WIPF3: variants seen among roughly 807,000 people sequenced by gnomAD.
The protein encoded by WIPF3 is WAS/WASL-interacting protein family member 3.
Under a neutral mutation model 38.9 loss-of-function variants are expected in WIPF3, and 33 were observed. The observed-to-expected ratio is 0.85, with a 90% CI of 0.64 to 1.14. The LOEUF is 1.14. Among genes scored for constraint, WIPF3 ranks in the 50% most tolerant of loss-of-function variants. The pLI is 0.00. For synonymous variants in WIPF3, 324 were observed against 269.3 expected, an observed-to-expected ratio of 1.20 and a Z score of -1.99; for missense variants, 711 against 652.5, an observed-to-expected ratio of 1.09 and a Z score of -0.98.
At position 29,878,180 on chromosome 7, in the gene WIPF3, T is replaced by A. The variant is rs560079569; in HGVS notation, c.224-829T>A. ...TAATTAACAGGTAAATCAATTTCAT[T>A]GAAACACTCACTTCCTAATCATTCT... is the stretch of plus-strand genomic sequence containing the variant. On this transcript the variant is annotated intron_variant, in intron 3 of 8. Transcript: ENST00000242140. This position sits in a 1 kb window ranked among gnomAD's most constrained non-coding sequence, Gnocchi z 4.0. Among the ~76,000 whole-genome samples the A allele has an allele frequency of 6.6e-6, 1 of 152,352 alleles. No homozygotes were observed. Among genetic ancestry groups the A allele is most frequent in the African/African-American group, 2.4e-5 (1 of 41,590 alleles).
intron 7 of WIPF3, among the ~76,000 whole-genome samples, chr7:29,892,344 C>T (rs1038703244): frequency 6.6e-6 from 1 of 152,192 alleles, no homozygotes; most frequent in Non-Finnish European, 1.5e-5. Flanking sequence ...AGGAGCCAGG[C>T]TGCACGGGGC....
Position 29,883,920 on chromosome 7 carries a change from C to T in WIPF3, c.426C>T (p.Gly142=), listed in dbSNP as rs746431784. ...GGCTTCCCAACAAAACCATCAGCGG[C>T]CCGCTTATCCCGCCTGCCTCTCCCA... The part of the protein sequence containing the change: ...SPRLPNKTIS[G]PLIPPASPRL... Residue 142 remains glycine (G), a synonymous_variant, in exon 5 of 9, where the codon GGC becomes GGT. Coordinates refer to ENST00000242140, the MANE Select transcript of WIPF3 (RefSeq NM_001080529.3). 2 of 1,568,250 alleles carry T rather than the reference C, an allele frequency of 1.3e-6. No individual in the cohort carries two copies. Among genetic ancestry groups the T allele is most frequent in the Non-Finnish European group, 8.6e-7 (1 of 1,157,114 alleles).
At chr7:29,816,304 A>G (rs574357779) in intron 1 of WIPF3, among the ~76,000 whole-genome samples, 105 of 151,796 alleles carry the variant, frequency 6.9e-4, no homozygotes, top group Admixed American at 6.4e-3. Context: ...TTCTTTTATT[A>G]TTATTATTAT....
intron 7 of WIPF3, among the ~76,000 whole-genome samples, chr7:29,903,545 T>C (rs1288163986): frequency 6.6e-6 from 1 of 152,140 alleles, no homozygotes; most frequent in Non-Finnish European, 1.5e-5. Flanking sequence ...ACAGAATAGA[T>C]AGGTGTCCTA....
intron 1 of WIPF3, among the ~76,000 whole-genome samples, chr7:29,809,954 A>T (rs174916): frequency 2.0e-5 from 3 of 152,070 alleles, no homozygotes; most frequent in African/African-American, 7.2e-5. Flanking sequence ...CCAGGCCTGC[A>T]CATGGACTGT....
At chr7:29,887,829 G>A (rs1583620754) in intron 5 of WIPF3, among the ~76,000 whole-genome samples, 1 of 152,250 alleles carries the variant, frequency 6.6e-6, no homozygotes, top group African/African-American at 2.4e-5. Flanking sequence ...CCTGGGAAGT[G>A]GGTGTACTAT....
chr7:29,903,603 A>G (rs949360400), intron 7 of WIPF3, among the ~76,000 whole-genome samples: 1 of 152,150 alleles, frequency 6.6e-6, no homozygotes, highest in Admixed American at 6.5e-5. Flanking sequence ...TTGAAGGGAG[A>G]GTTCTGGAAC....
chr7:29,872,359 T>G (rs1419464096), intron 2 of WIPF3, among the ~76,000 whole-genome samples: 1 of 152,220 alleles, frequency 6.6e-6, no homozygotes, highest in African/African-American at 2.4e-5. Flanking sequence ...TTGTGTAAAG[T>G]GGCCTTCAGT....
intron 1 of WIPF3, among the ~76,000 whole-genome samples, chr7:29,817,520 C>CAATTTAATGTAATTTA (rs1562769380): frequency 6.6e-6 from 1 of 152,084 alleles, no homozygotes; most frequent in Non-Finnish European, 1.5e-5. Flanking sequence ...TAATGTAAGG[C>CAATTTAATGTAATTTA]ATGAGATCCT....
At chr7:29,861,810 A>G (rs78953790) in intron 2 of WIPF3, among the ~76,000 whole-genome samples, 4,788 of 152,334 alleles carry the variant, frequency 0.031, 101 homozygotes, top group Middle Eastern at 0.061. Context: ...CATCATATCT[A>G]GGGACAGACT....
chr7:29,826,651 CT>C (rs1784620648), intron 1 of WIPF3, among the ~76,000 whole-genome samples: 1 of 152,124 alleles, frequency 6.6e-6, no homozygotes, highest in African/African-American at 2.4e-5. Context: ...CTTAGTATTA[CT>C]TTCCATTATT....
At chr7:29,811,173 G>A (rs10236126) in intron 1 of WIPF3, among the ~76,000 whole-genome samples, 17,427 of 151,940 alleles carry the variant, frequency 0.11, 1,105 homozygotes, top group African/African-American at 0.16. Flanking sequence ...TTACAGACAT[G>A]ATCTGCCTTG....
chr7:29,831,756 A>T (rs543586075), intron 1 of WIPF3, among the ~76,000 whole-genome samples: 2 of 152,224 alleles, frequency 1.3e-5, no homozygotes, highest in East Asian at 3.9e-4. Context: ...AACACATAGG[A>T]CCTTTGCTAC....
At chr7:29,912,190 AATC>A in intron 8 of WIPF3, among the ~76,000 whole-genome samples, 1 of 152,228 alleles carries the variant, frequency 6.6e-6, no homozygotes, top group East Asian at 1.9e-4. Context: ...CAGCATCACT[AATC>A]ATTAGAGAAA....
chr7:29,815,970 G>A (rs890478204), intron 1 of WIPF3, among the ~76,000 whole-genome samples: 1 of 152,140 alleles, frequency 6.6e-6, no homozygotes, highest in African/African-American at 2.4e-5. Flanking sequence ...TCCTACTCTC[G>A]ATGGCTCCAG....
chr7:29,904,452 C>A, intron 8 of WIPF3, 90 bp downstream of exon 8: 1 of 1,291,482 alleles, frequency 7.7e-7, no homozygotes, highest in Non-Finnish European at 1.1e-6. Flanking sequence ...TCCTAAACAG[C>A]TTTATATTTT....
At chr7:29,854,508 ACT>A (rs530538130) in intron 2 of WIPF3, among the ~76,000 whole-genome samples, 2 of 152,116 alleles carry the variant, frequency 1.3e-5, no homozygotes, top group Non-Finnish European at 2.9e-5. Context: ...ACTTTGACAC[ACT>A]CTGAAAATGC....
At chr7:29,885,756 TGG>T (rs773936108) in intron 5 of WIPF3, among the ~76,000 whole-genome samples, 3 of 152,176 alleles carry the variant, frequency 2.0e-5, no homozygotes, top group East Asian at 3.9e-4. Context: ...TTCAAGGCTG[TGG>T]GGAGCTATGA....
At chr7:29,852,368 A>T (rs77999192) in intron 2 of WIPF3, among the ~76,000 whole-genome samples, 2,776 of 152,362 alleles carry the variant, frequency 0.018, 56 homozygotes, top group East Asian at 0.072. Context: ...CCAAAAGTAG[A>T]AGGTGCCATG....
Sources: allele counts gnomAD v4.1 joint callset (sites outside exome capture counted in the v4.1 genomes callset), GRCh38; gene constraint gnomAD v4.1.1; non-coding constraint Gnocchi (gnomAD v3.1); transcripts MANE v1.5; gene names NCBI Gene and HGNC (gene_info 2026-07-23, HGNC 2026-07-21).